Variants in ZFYVE28 observed in about 807,000 individuals in gnomAD.
The protein encoded by ZFYVE28 is zinc finger FYVE-type containing 28.
Under a neutral mutation model 82.1 loss-of-function variants are expected in ZFYVE28, and 40 were observed. That is an observed-to-expected ratio of 0.49 (90% CI 0.38 to 0.63). The LOEUF (loss-of-function observed/expected upper bound fraction) is 0.63, where lower values mean the gene tolerates loss of function less well. Among genes scored for constraint, ZFYVE28 ranks in the 30% least tolerant of loss-of-function variants. ZFYVE28 has a pLI of 0.00. For synonymous variants in ZFYVE28, 612 were observed against 546.1 expected (o/e 1.12, Z -1.68); for missense variants, 1,321 against 1,242.1 (o/e 1.06, Z -0.96).
intron 1 of ZFYVE28, among the ~76,000 whole-genome samples, chr4:2,357,945 G>A (rs539910146): frequency 6.6e-6 from 1 of 152,354 alleles, no homozygotes; most frequent in East Asian, 1.9e-4. Flanking sequence ...CTTGGTAAGC[G>A]GAGGAGACGG....
Position 2,300,021 on chromosome 4 carries a change from C to T in ZFYVE28, c.2051+4268G>A, listed in dbSNP as rs529932233. 6.6e-4 allele frequency among the ~76,000 whole-genome samples: 100 copies of T among 152,288 alleles called. No individual in the cohort carries two copies. Among genetic ancestry groups the T allele is most frequent in the Middle Eastern group, 3.4e-3 (1 of 294 alleles). Reference sequence around the variant, plus strand: ...CTATGTTGTCCAGGCTGGCCTTGAACTCCTGGCCTCAAGCAATACGCCTGC... The same window carrying T: ...CTATGTTGTCCAGGCTGGCCTTGAATTCCTGGCCTCAAGCAATACGCCTGC... On this transcript the variant is annotated intron_variant, in intron 8 of 12. Transcript: ENST00000290974. The surrounding 1 kb of genome is among the most constrained non-coding windows in gnomAD (Gnocchi z 4.6).
At chr4:2,329,255 G>T (rs1720325333) in intron 6 of ZFYVE28, 2 of 468,246 alleles carry the variant, frequency 4.3e-6, no homozygotes, top group Admixed American at 3.5e-5. Flanking sequence ...CATGAACATG[G>T]AATGTCTTTC....
At chr4:2,290,207 G>C (rs894138516) in intron 8 of ZFYVE28, among the ~76,000 whole-genome samples, 2 of 152,218 alleles carry the variant, frequency 1.3e-5, no homozygotes, top group African/African-American at 2.4e-5. Flanking sequence ...AGCCCAGAGA[G>C]AGCAGCCCAT....
Position 2,327,270 on chromosome 4 carries a change from ATATATAT to A in ZFYVE28, c.702-7006_702-7000del, listed in dbSNP as rs1481272836. Among the ~76,000 whole-genome samples, 44 of 24,418 alleles carry A rather than the reference ATATATAT, an allele frequency of 1.8e-3. 1 individual carries two copies. The highest frequency in any genetic ancestry group is 7.5e-3 in the African/African-American group (42 of 5,610). The allele number at this position is 24,418 out of a possible 152,430, so 16.0% of individuals were successfully genotyped here. On this transcript the variant is annotated intron_variant, in intron 6 of 12. Coordinates refer to ENST00000290974, the MANE Select transcript of ZFYVE28 (RefSeq NM_020972.3). The stretch of plus-strand genomic sequence containing the variant: ...ATCTCAAATATATATATATATATAT[ATATATAT>A]ATATATATATATATATATATATATA...
At chr4:2,326,708 T>C (rs903959200) in intron 6 of ZFYVE28, among the ~76,000 whole-genome samples, 2 of 152,230 alleles carry the variant, frequency 1.3e-5, no homozygotes, top group Non-Finnish European at 2.9e-5. Context: ...ATTGATTTCA[T>C]TGATGTTTTA....
At position 2,335,902 on chromosome 4, in the gene ZFYVE28, C is replaced by T. The variant is rs192702554; in HGVS notation, c.612-108G>A. The T allele has an allele frequency of 5.8e-4, 508 of 877,790 alleles. 2 individuals carry two copies. In the African/African-American group the frequency reaches 6.9e-3, roughly 12 times the overall value. The allele number at this position is 877,790 out of a possible 1,614,324, so 54.4% of individuals were successfully genotyped here. On this transcript the variant is annotated intron_variant, in intron 5 of 12. Coordinates refer to ENST00000290974, the MANE Select transcript of ZFYVE28 (RefSeq NM_020972.3). The surrounding 1 kb of genome is among the most constrained non-coding windows in gnomAD (Gnocchi z 5.8). Reference sequence around the variant, plus strand: ...CGCTCAATCTGTACCTGCAGCCACGCGTGGTGGCCACGTCAAGAGGTGACA... The same window carrying T: ...CGCTCAATCTGTACCTGCAGCCACGTGTGGTGGCCACGTCAAGAGGTGACA...
intron 8 of ZFYVE28, among the ~76,000 whole-genome samples, chr4:2,275,964 G>C (rs541834983): frequency 2.6e-5 from 4 of 152,182 alleles, no homozygotes; most frequent in South Asian, 4.1e-4. Flanking sequence ...AGGCGGAGGC[G>C]AGCCAGCCAC....
chr4:2,275,302 A>G (rs1736315252), intron 8 of ZFYVE28, among the ~76,000 whole-genome samples: 1 of 152,148 alleles, frequency 6.6e-6, no homozygotes, highest in African/African-American at 2.4e-5. Flanking sequence ...CTAACTCCGG[A>G]GGTTCACCTC....
At chr4:2,396,077 G>A (rs1487911880) in intron 1 of ZFYVE28, among the ~76,000 whole-genome samples, 6 of 118,398 alleles carry the variant, frequency 5.1e-5, no homozygotes, top group Admixed American at 2.4e-4. Flanking sequence ...GACCCAAGGC[G>A]GGGGTGTCTG....
At position 2,341,228 on chromosome 4, in the gene ZFYVE28, T is replaced by A. The variant is rs1302836090; in HGVS notation, c.318+250A>T. ...CTGGCTGTCTGGGGGCCTGTGAACC[T>A]CATAAAAACCACATGGGAAATTTCA... On this transcript the variant is annotated intron_variant, in intron 3 of 12. Coordinates refer to ENST00000290974, the MANE Select transcript of ZFYVE28 (RefSeq NM_020972.3). The surrounding 1 kb of genome is among the most constrained non-coding windows in gnomAD (Gnocchi z 4.5). 1 of 571,120 alleles carries A rather than the reference T, an allele frequency of 1.8e-6. No homozygotes were observed. Among genetic ancestry groups the A allele is most frequent in the African/African-American group, 1.9e-5 (1 of 53,166 alleles). The allele number at this position is 571,120 out of a possible 1,614,324, so 35.4% of individuals were successfully genotyped here.
At chr4:2,283,793 A>C (rs1712327427) in intron 8 of ZFYVE28, among the ~76,000 whole-genome samples, 1 of 152,206 alleles carries the variant, frequency 6.6e-6, no homozygotes, top group Non-Finnish European at 1.5e-5. Context: ...CTCCTCACTC[A>C]GGCTGGAGAG....
At chr4:2,330,592 C>CATGGAGAATGGGATAGG in intron 6 of ZFYVE28, 1 of 1,271,150 alleles carries the variant, frequency 7.9e-7, no homozygotes, top group Non-Finnish European at 1.0e-6. Flanking sequence ...AATGGGATAG[C>CATGGAGAATGGGATAGG]ATAGAGGAGG....
At position 2,300,062 on chromosome 4, in the gene ZFYVE28, G is replaced by A. The variant is rs1274816451; in HGVS notation, c.2051+4227C>T. ...ATACGCCTGCCTCAGCCCCCAAAGT[G>A]CTGGGAATACAAGCATAAGCCACCA... On this transcript the variant is annotated intron_variant, in intron 8 of 12. Transcript: ENST00000290974. This position sits in a 1 kb window ranked among gnomAD's most constrained non-coding sequence, Gnocchi z 4.6. 6.6e-6 allele frequency among the ~76,000 whole-genome samples: 1 copy of A among 152,196 alleles called. No homozygotes were observed. Among genetic ancestry groups the A allele is most frequent in the Non-Finnish European group, 1.5e-5 (1 of 68,032 alleles).
At chr4:2,391,728 A>G (rs1393623671) in intron 1 of ZFYVE28, among the ~76,000 whole-genome samples, 1 of 139,386 alleles carries the variant, frequency 7.2e-6, no homozygotes, top group East Asian at 2.3e-4. Context: ...CCTGTAAGTC[A>G]ATTCTCTCTC....
intron 1 of ZFYVE28, among the ~76,000 whole-genome samples, chr4:2,401,468 G>A (rs113058271): frequency 2.0e-5 from 3 of 152,268 alleles, no homozygotes; most frequent in East Asian, 1.9e-4. Flanking sequence ...CCTCCCGGCC[G>A]GGCAGCACTC....
At chr4:2,355,216 AT>A (rs1725072712) in intron 1 of ZFYVE28, among the ~76,000 whole-genome samples, 6 of 3,570 alleles carry the variant, frequency 1.7e-3, no homozygotes, top group African/African-American at 5.2e-3. Context: ...ATATATATAT[AT>A]ATATATATAT....
chr4:2,322,725 C>T (rs1719279683), intron 6 of ZFYVE28, among the ~76,000 whole-genome samples: 1 of 152,226 alleles, frequency 6.6e-6, no homozygotes, highest in African/African-American at 2.4e-5. Flanking sequence ...CCCCAGAAAA[C>T]ACCCTTTTAA....
At chr4:2,398,623 GCAA>G (rs1730750155) in intron 1 of ZFYVE28, among the ~76,000 whole-genome samples, 3 of 149,706 alleles carry the variant, frequency 2.0e-5, no homozygotes, top group Admixed American at 2.0e-4. Context: ...CAAGAGTGGG[GCAA>G]GATCCAGCAC....
chr4:2,294,313 A>G (rs961873831), intron 8 of ZFYVE28, among the ~76,000 whole-genome samples: 5 of 152,240 alleles, frequency 3.3e-5, no homozygotes, highest in African/African-American at 1.2e-4. Context: ...TGGTCAGCTG[A>G]AGATAAAAAT....
Sources: gnomAD v4.1 joint callset for allele counts (sites outside exome capture counted in the v4.1 genomes callset) on GRCh38, gnomAD v4.1.1 for gene constraint, Gnocchi (gnomAD v3.1) non-coding constraint, MANE v1.5 for transcripts, NCBI Gene and HGNC (gene_info 2026-07-23, HGNC 2026-07-21) for gene names.